SEL1L: variants seen among roughly 807,000 people sequenced by gnomAD.
SEL1L encodes protein sel-1 homolog 1.
In SEL1L, 52 loss-of-function variants were observed where a neutral mutation model predicts 109.8. The observed-to-expected ratio is 0.47, with a 90% CI of 0.38 to 0.60. The LOEUF is 0.60. Among genes scored for constraint, SEL1L ranks in the 20% least tolerant of loss-of-function variants. The probability of loss-of-function intolerance (pLI) is 0.00; values close to 1 mark genes in which losing one functional copy is unlikely to be tolerated. For synonymous variants in SEL1L, 373 were observed against 339.6 expected, an observed-to-expected ratio of 1.10 and a Z score of -1.08; for missense variants, 749 against 962.2, an observed-to-expected ratio of 0.78 and a Z score of 2.93.
chr14:81,474,222 T>A lies in SEL1L; in HGVS notation c.*2750A>T, dbSNP rs1903091025. ...TAAGCCTTACCTAGAAAACAGAAAC[T>A]GAAACTTCAAACACAGAGACAGAAA... On this transcript the variant is annotated 3_prime_UTR_variant, in exon 21 of 21. Transcript: ENST00000336735. 2 of 143,188 alleles carry A rather than the reference T, an allele frequency of 1.4e-5. No individual in the cohort carries two copies. Among genetic ancestry groups the A allele is most frequent in the African/African-American group, 2.6e-5 (1 of 38,378 alleles). 8.9% of individuals were successfully genotyped at this position (143,188 alleles called of 1,614,324 possible). A position where few individuals can be genotyped will look rare whatever the true frequency, so the allele number is the denominator to read the frequency against.
chr14:81,481,713 G>T (rs1903360515), intron 19 of SEL1L, among the ~76,000 whole-genome samples: 1 of 152,070 alleles, frequency 6.6e-6, no homozygotes, highest in South Asian at 2.1e-4. Flanking sequence ...AAAAAAAGTA[G>T]AAAAGGTGAT....
At chr14:81,500,527 C>A (rs1273092411) in intron 6 of SEL1L, among the ~76,000 whole-genome samples, 2 of 152,162 alleles carry the variant, frequency 1.3e-5, no homozygotes, top group African/African-American at 4.8e-5. Context: ...TGAGCCACCA[C>A]GCCCAGCCAA....
intron 19 of SEL1L, among the ~76,000 whole-genome samples, chr14:81,482,996 T>C (rs1268201395): frequency 6.6e-6 from 1 of 152,236 alleles, no homozygotes; most frequent in Non-Finnish European, 1.5e-5. Context: ...CACAAGTCTC[T>C]GGTTTCCAAT....
At chr14:81,518,244 A>G (rs1047440451) in intron 3 of SEL1L, among the ~76,000 whole-genome samples, 1 of 151,972 alleles carries the variant, frequency 6.6e-6, no homozygotes, top group Non-Finnish European at 1.5e-5. Flanking sequence ...TCAGCCCTGG[A>G]AAGCTTTTAG....
chr14:81,518,279 A>C (rs1884779016), intron 3 of SEL1L, among the ~76,000 whole-genome samples: 2 of 151,514 alleles, frequency 1.3e-5, no homozygotes. Flanking sequence ...ACTAGGCCAC[A>C]GTTGTGCTGC....
chr14:81,527,438 TACAC>T (rs67777470), intron 2 of SEL1L, among the ~76,000 whole-genome samples: 2,719 of 146,716 alleles, frequency 0.019, 89 homozygotes, highest in East Asian at 0.085. Context: ...TCTTCAAACT[TACAC>T]ACACACACAC....
intron 8 of SEL1L, chr14:81,498,980 C>A: frequency 9.3e-6 from 4 of 431,620 alleles, no homozygotes; most frequent in Non-Finnish European, 1.2e-5. Flanking sequence ...AAGTAAAAAA[C>A]AGAAAGTAGA....
chr14:81,498,893 A>G, intron 8 of SEL1L: 1 of 170,722 alleles, frequency 5.9e-6, no homozygotes, highest in Non-Finnish European at 1.2e-5. Flanking sequence ...AAATAGGGAA[A>G]ATGAGACTAC....
intron 1 of SEL1L, 48 bp downstream of exon 1, chr14:81,533,627 T>TG (rs764077834): frequency 3.5e-5 from 56 of 1,578,996 alleles, no homozygotes; most frequent in Middle Eastern, 1.7e-4. Context: ...CTGTAGAGGC[T>TG]GGGGGGCGGA....
In SEL1L at chr14:81,504,422, C is replaced by G. The variant is rs564707233; in HGVS notation, c.509-116G>C. ...CAAAATGAATGATCTTTCACTATTC[C>G]CAAACATGATTCTAAAAACACTTAA... On this transcript the variant is annotated intron_variant, in intron 4 of 20. Transcript: ENST00000336735. 2.4e-5 allele frequency: 15 copies of G among 625,010 alleles called. 1 individual carries two copies. The highest frequency in any genetic ancestry group is 1.8e-4 in the South Asian group (5 of 27,712). The allele number at this position is 625,010 out of a possible 1,614,324, so 38.7% of individuals were successfully genotyped here. A position where few individuals can be genotyped will look rare whatever the true frequency, so the allele number is the denominator to read the frequency against.
intron 3 of SEL1L, among the ~76,000 whole-genome samples, chr14:81,512,439 C>T (rs908602350): frequency 5.3e-5 from 8 of 152,180 alleles, no homozygotes; most frequent in Non-Finnish European, 7.3e-5. Flanking sequence ...AACCACTTCC[C>T]CAGGAGAAAT....
chr14:81,508,956 T>C (rs1373898406), intron 3 of SEL1L, among the ~76,000 whole-genome samples: 1 of 152,188 alleles, frequency 6.6e-6, no homozygotes. Flanking sequence ...CAAAAGGTTT[T>C]CATCTACTGC....
chr14:81,527,300 T>C (rs1026863168), intron 2 of SEL1L, among the ~76,000 whole-genome samples: 1 of 152,146 alleles, frequency 6.6e-6, no homozygotes, highest in Non-Finnish European at 1.5e-5. Flanking sequence ...AGATCAGAGC[T>C]CATAACTGAC....
intron 11 of SEL1L, among the ~76,000 whole-genome samples, chr14:81,493,676 A>C (rs1883633530): frequency 6.6e-6 from 1 of 152,150 alleles, no homozygotes; most frequent in Admixed American, 6.5e-5. Flanking sequence ...ATGCACTTCA[A>C]TTCACTCTGC....
intron 3 of SEL1L, among the ~76,000 whole-genome samples, chr14:81,508,895 A>G (rs1884348900): frequency 6.6e-6 from 1 of 152,192 alleles, no homozygotes; most frequent in Non-Finnish European, 1.5e-5. Context: ...CTTTCATGTG[A>G]TGAACTATAC....
rs1566631809 is a variant in SEL1L at position 81,533,793 on chromosome 14, T to G, written c.-49A>C. The G allele has an allele frequency of 6.4e-7, 1 of 1,570,592 alleles. No individual in the cohort carries two copies. The highest frequency in any genetic ancestry group is 8.7e-7 in the Non-Finnish European group (1 of 1,149,262). On this transcript the variant is annotated 5_prime_UTR_variant, in exon 1 of 21. Transcript: ENST00000336735. The stretch of plus-strand genomic sequence containing the variant: ...CCCCTAGAGCTGTCGCCTTCGCCTC[T>G]GCCACCACGGACTCAGCCACCACCG...
At chr14:81,515,442 A>G (rs767020844) in intron 3 of SEL1L, among the ~76,000 whole-genome samples, 2 of 152,238 alleles carry the variant, frequency 1.3e-5, no homozygotes, top group Admixed American at 1.3e-4. Flanking sequence ...CTGGTATCTT[A>G]GTCAAGTAAA....
chr14:81,499,707 T>C lies in SEL1L; in HGVS notation c.778-45A>G, dbSNP rs775618034. 6 of 1,518,736 alleles carry C rather than the reference T, an allele frequency of 4.0e-6. No homozygotes were observed. In the African/African-American group the frequency reaches 8.4e-5, roughly 21 times the overall value. 94.1% of individuals were successfully genotyped at this position (1,518,736 alleles called of 1,614,324 possible). On this transcript the variant is annotated intron_variant, in intron 6 of 20. Coordinates refer to ENST00000336735, the MANE Select transcript of SEL1L (RefSeq NM_005065.6). ...TAAGAAATCTTGCTTTGGTGAAGGT[T>C]TATCCAAGACAGACACAGACAGACA...
chr14:81,521,251 TA>T (rs1466288623), intron 3 of SEL1L, among the ~76,000 whole-genome samples: 3 of 152,300 alleles, frequency 2.0e-5, no homozygotes, highest in Middle Eastern at 3.4e-3. Flanking sequence ...TTATATTATC[TA>T]ACCCACCAAA....
Sources: gnomAD v4.1 joint callset for allele counts (sites outside exome capture counted in the v4.1 genomes callset) on GRCh38, gnomAD v4.1.1 for gene constraint, MANE v1.5 for transcripts, NCBI Gene and HGNC (gene_info 2026-07-23, HGNC 2026-07-21) for gene names.